The following GCNT2 variants were observed in gnomAD, a reference collection of about 807,000 sequenced individuals.
GCNT2 encodes the protein N-acetyllactosaminide beta-1,6-N-acetylglucosaminyl-transferase.
GCNT2 carries 34 observed loss-of-function variants against 34.2 expected under a neutral mutation model. That is an observed-to-expected ratio of 1.00 (90% confidence interval 0.76 to 1.32). The LOEUF (loss-of-function observed/expected upper bound fraction) is 1.32. Ranked by LOEUF, GCNT2 falls within the 40% of genes most tolerant of loss-of-function variation. The probability of loss-of-function intolerance (pLI) is 0.00; values close to 1 mark genes in which losing one functional copy is unlikely to be tolerated. For missense variants in GCNT2, 584 were observed against 489.4 expected (o/e 1.19, Z -1.82); for synonymous variants, 212 against 188.0 (o/e 1.13, Z -1.04).
intron 3 of GCNT2, chr6:10,575,062 C>G (rs1763742324): frequency 1.7e-6 from 1 of 587,712 alleles, no homozygotes; most frequent in Non-Finnish European, 3.2e-6. Flanking sequence ...GCCATGGTAA[C>G]ACTTGGGGGT....
intron 3 of GCNT2, among the ~76,000 whole-genome samples, chr6:10,601,379 A>G (rs535346279): frequency 1.1e-3 from 161 of 152,324 alleles, no homozygotes; most frequent in South Asian, 2.1e-3. Context: ...AACAAGAACA[A>G]CCAAAAGTGT....
At chr6:10,527,741 T>C (rs1182964465) in intron 2 of GCNT2, 81 bp downstream of exon 2, 1 of 150,712 alleles carries the variant, frequency 6.6e-6, no homozygotes, top group African/African-American at 2.5e-5. Context: ...ACGGACTTCT[T>C]GTTTAGTACC....
At position 10,593,417 on chromosome 6, in the gene GCNT2, A is replaced by C. The variant is rs113392206; in HGVS notation, c.926-27934A>C. On this transcript the variant is annotated intron_variant, in intron 3 of 4. Coordinates refer to ENST00000495262, the MANE Select transcript of GCNT2 (RefSeq NM_145649.5). ...CAGTGGCATTAATTTAGCTCACTGCAGCCTCAGCCTTCTGGGCTCAAGTAA... is the reference window on the plus strand; with the variant it reads ...CAGTGGCATTAATTTAGCTCACTGCCGCCTCAGCCTTCTGGGCTCAAGTAA... 6.8e-3 allele frequency among the ~76,000 whole-genome samples: 1,035 copies of C among 152,288 alleles called. 17 individuals carry two copies. The highest frequency in any genetic ancestry group is 0.024 in the African/African-American group (986 of 41,552).
intron 3 of GCNT2, among the ~76,000 whole-genome samples, chr6:10,579,845 A>G (rs1289427860): frequency 1.3e-5 from 2 of 151,450 alleles, no homozygotes; most frequent in Non-Finnish European, 2.9e-5. Flanking sequence ...AAAAAAAAAA[A>G]AAACAAGTAA....
At chr6:10,586,001 G>A (rs1465152848) in intron 3 of GCNT2, 6 of 1,614,070 alleles carry the variant, frequency 3.7e-6, no homozygotes, top group Non-Finnish European at 3.4e-6. Flanking sequence ...TGAACTTTTG[G>A]AGGTACTGCT....
chr6:10,521,823 T>G (rs768797728), intron 1 of GCNT2, among the ~76,000 whole-genome samples: 11 of 152,026 alleles, frequency 7.2e-5, no homozygotes, highest in Non-Finnish European at 1.6e-4. Flanking sequence ...ACTTAATGGT[T>G]TATGTTTCTC....
intron 3 of GCNT2, among the ~76,000 whole-genome samples, chr6:10,543,298 C>T (rs998265857): frequency 7.2e-5 from 11 of 151,924 alleles, no homozygotes; most frequent in African/African-American, 2.2e-4. Flanking sequence ...CTGCAATTCT[C>T]GTGCCTCAGC....
At chr6:10,564,950 G>A (rs1457502052) in intron 3 of GCNT2, among the ~76,000 whole-genome samples, 1 of 152,138 alleles carries the variant, frequency 6.6e-6, no homozygotes. Flanking sequence ...GAGTTGATGA[G>A]AAATGCTATG....
At chr6:10,556,630 G>A in intron 3 of GCNT2, 1 of 1,614,108 alleles carries the variant, frequency 6.2e-7, no homozygotes, top group Non-Finnish European at 8.5e-7. Flanking sequence ...TCCATGAGAA[G>A]TCTTCTTGCA....
At chr6:10,556,082 A>C in intron 3 of GCNT2, 4 of 1,198,944 alleles carry the variant, frequency 3.3e-6, no homozygotes, top group Non-Finnish European at 4.2e-6. Flanking sequence ...GATATGGGAA[A>C]CTAAATCTGC....
Position 10,529,624 on chromosome 6 carries a change from A to G in GCNT2, c.713A>G (p.Asn238Ser). 1 of 1,614,140 alleles carries G rather than the reference A, an allele frequency of 6.2e-7. No homozygotes were observed. Among genetic ancestry groups the G allele is most frequent in the Non-Finnish European group, 8.5e-7 (1 of 1,179,998 alleles). The change falls in exon 3 of 5, where the codon AAC becomes AGC. Residue 238 changes from asparagine to serine, a missense_variant. Transcript: ENST00000495262. The part of the protein sequence containing the change: ...RTKYVHQELL[N>S]HKNSYVIKTT... ...AAATACGTCCACCAAGAACTGTTAA[A>G]CCACAAAAATTCCTACGTGATTAAA...
At chr6:10,541,218 CA>C (rs1183517617) in intron 3 of GCNT2, among the ~76,000 whole-genome samples, 5 of 152,096 alleles carry the variant, frequency 3.3e-5, no homozygotes, top group Non-Finnish European at 1.5e-5. Flanking sequence ...TGCATGTGTC[CA>C]TAAGTTCTCA....
intron 3 of GCNT2, among the ~76,000 whole-genome samples, chr6:10,569,449 G>A (rs1184571156): frequency 1.3e-5 from 2 of 152,024 alleles, no homozygotes; most frequent in Non-Finnish European, 2.9e-5. Context: ...AGCCTCCCAA[G>A]TAGCTGGGAT....
chr6:10,612,793 G>A (rs994017618), intron 3 of GCNT2, among the ~76,000 whole-genome samples: 1 of 152,176 alleles, frequency 6.6e-6, no homozygotes, highest in Non-Finnish European at 1.5e-5. Context: ...TTCAAAGCTG[G>A]TGCTGTCAGT....
chr6:10,564,151 A>G (rs966859863), intron 3 of GCNT2, among the ~76,000 whole-genome samples: 7 of 152,268 alleles, frequency 4.6e-5, no homozygotes, highest in Admixed American at 6.5e-5. Context: ...ACATGTGCCT[A>G]TGGGTTTAGA....
intron 3 of GCNT2, among the ~76,000 whole-genome samples, chr6:10,588,842 GTGTGTGTGGTGTGTATGTGTA>G (rs922500279): frequency 2.0e-5 from 3 of 147,344 alleles, no homozygotes; most frequent in Non-Finnish European, 4.5e-5. Flanking sequence ...TGTGTGTGGT[GTGTGTGTGGTGTGTATGTGTA>G]TGTGTGTGGG....
At position 10,582,378 on chromosome 6, in the gene GCNT2, T is replaced by TTAATATTTATTATATACTATAATAGTA. The variant is rs1764143214; in HGVS notation, c.926-38949_926-38948insGTATAATATTTATTATATACTATAATA. On this transcript the variant is annotated intron_variant, in intron 3 of 4. Transcript: ENST00000495262. The stretch of plus-strand genomic sequence containing the variant: ...TATTAAATATAATATATACTATAAT[T>TTAATATTTATTATATACTATAATAGTA]TAATATTTATTATATACTATAATAA... Among the ~76,000 whole-genome samples the TTAATATTTATTATATACTATAATAGTA allele has an allele frequency of 3.3e-5, 3 of 90,716 alleles. No homozygotes were observed. The South Asian group carries it at 7.6e-4, about 23-fold the overall frequency. The allele number at this position is 90,716 out of a possible 152,430, so 59.5% of individuals were successfully genotyped here.
chr6:10,555,221 C>T (rs1021856699), intron 3 of GCNT2, among the ~76,000 whole-genome samples: 3 of 152,112 alleles, frequency 2.0e-5, no homozygotes, highest in Non-Finnish European at 4.4e-5. Flanking sequence ...TGGTGTTTTG[C>T]AAGCCATTTT....
At chr6:10,542,376 T>G (rs1762073262) in intron 3 of GCNT2, among the ~76,000 whole-genome samples, 1 of 151,882 alleles carries the variant, frequency 6.6e-6, no homozygotes, top group African/African-American at 2.4e-5. Context: ...GGGTGAAATT[T>G]ATGACATATA....
Sources: gnomAD v4.1 joint callset for allele counts (sites outside exome capture counted in the v4.1 genomes callset) on GRCh38, gnomAD v4.1.1 for gene constraint, MANE v1.5 for transcripts, NCBI Gene and HGNC (gene_info 2026-07-23, HGNC 2026-07-21) for gene names.